Variants in FGF13 observed in about 807,000 individuals in gnomAD.
The protein encoded by FGF13 is fibroblast growth factor homologous factor 2.
FGF13 carries 2 observed loss-of-function variants against 19.5 expected under a neutral mutation model. The ratio of observed to expected loss-of-function variants is 0.10; its 90% CI spans 0.04 to 0.32. The LOEUF is 0.32. Ranked by LOEUF, FGF13 falls within the 10% of genes least tolerant of loss-of-function variation. FGF13 has a pLI of 1.00. For synonymous variants in FGF13, 72 were observed against 76.9 expected (o/e 0.94, Z 0.33); for missense variants, 113 against 192.7 (o/e 0.59, Z 2.45).
rs1334090825 is a variant in FGF13 at position 138,814,761 on chromosome X, C to T, written c.217+42751G>A. ...TCAGTGGGAATGTAAATTAGTACAGCTATCATGGAAAACAGTATGGAGGTT... is the reference window on the plus strand; with the variant it reads ...TCAGTGGGAATGTAAATTAGTACAGTTATCATGGAAAACAGTATGGAGGTT... On this transcript the variant is annotated intron_variant, in intron 3 of 6. Coordinates refer to the FGF13 transcript ENST00000436198. 4.5e-5 allele frequency among the ~76,000 whole-genome samples: 5 copies of T among 111,084 alleles called. No individual in the cohort carries two copies. In the South Asian group the frequency reaches 1.5e-3, roughly 34 times the overall value.
intron 1 of FGF13, among the ~76,000 whole-genome samples, chrX:138,874,247 T>A (rs1212012008): frequency 9.3e-6 from 1 of 108,030 alleles, no homozygotes; most frequent in Admixed American, 1.0e-4. Flanking sequence ...TCTTCCTTAA[T>A]GGACAGTTAA....
intron 1 of FGF13, among the ~76,000 whole-genome samples, chrX:138,940,685 G>A (rs1207635618): frequency 1.8e-5 from 2 of 111,277 alleles, no homozygotes; most frequent in Admixed American, 9.6e-5. Flanking sequence ...TATTGAACAG[G>A]GAGTCCTTTC....
At chrX:139,165,153 T>C (rs745666142) in intron 1 of FGF13, among the ~76,000 whole-genome samples, 12 of 112,391 alleles carry the variant, frequency 1.1e-4, no homozygotes, top group Admixed American at 4.7e-4. Context: ...GGCATCCTTG[T>C]TACACAGTTG....
At chrX:138,686,123 G>A (rs755832316) in intron 3 of FGF13, among the ~76,000 whole-genome samples, 1 of 111,163 alleles carries the variant, frequency 9.0e-6, no homozygotes, top group Non-Finnish European at 1.9e-5. Flanking sequence ...TTAATCTTAC[G>A]TTCTAAGGGA....
At chrX:138,875,406 G>A (rs2091382869) in intron 1 of FGF13, among the ~76,000 whole-genome samples, 1 of 111,191 alleles carries the variant, frequency 9.0e-6, no homozygotes, top group South Asian at 3.8e-4. Context: ...ATCCTTGACT[G>A]GTTTATTGGA....
intron 3 of FGF13, among the ~76,000 whole-genome samples, chrX:138,833,284 T>C (rs910079763): frequency 9.8e-5 from 11 of 112,538 alleles, no homozygotes; most frequent in African/African-American, 3.6e-4. Context: ...TGATTCTTCC[T>C]GTCCATGAGC....
At chrX:139,111,668 A>G (rs971065964) in intron 1 of FGF13, among the ~76,000 whole-genome samples, 3 of 111,744 alleles carry the variant, frequency 2.7e-5, no homozygotes, top group African/African-American at 9.8e-5. Context: ...AATGCTATCT[A>G]TTTCTAGAAA....
intron 1 of FGF13, among the ~76,000 whole-genome samples, chrX:139,018,875 T>A (rs1028708774): frequency 1.8e-5 from 2 of 110,734 alleles, no homozygotes; most frequent in Non-Finnish European, 3.8e-5. Flanking sequence ...GTTTTTAGTA[T>A]CTTCACAGAA....
chrX:139,066,978 T>C (rs781451370), intron 1 of FGF13, among the ~76,000 whole-genome samples: 4 of 111,639 alleles, frequency 3.6e-5, no homozygotes, highest in African/African-American at 1.3e-4. Context: ...TGGTTCAACA[T>C]ACACAAATCA....
At chrX:138,676,725 A>G (rs2089671121) in intron 3 of FGF13, among the ~76,000 whole-genome samples, 1 of 111,717 alleles carries the variant, frequency 9.0e-6, no homozygotes, top group Non-Finnish European at 1.9e-5. Context: ...GCAGCTCACA[A>G]TAAGGTTCAG....
intron 3 of FGF13, among the ~76,000 whole-genome samples, chrX:138,801,205 C>A (rs1183341317): frequency 7.1e-5 from 8 of 112,505 alleles, no homozygotes; most frequent in African/African-American, 2.6e-4. Flanking sequence ...GGTTTTTCCT[C>A]ATCTTTGTGG....
intron 1 of FGF13, among the ~76,000 whole-genome samples, chrX:139,021,622 G>A (rs2092178552): frequency 9.0e-6 from 1 of 110,733 alleles, no homozygotes; most frequent in East Asian, 2.9e-4. Context: ...CAGAACATTA[G>A]AAAATCTGAC....
chrX:139,031,570 T>C (rs1159540802), intron 1 of FGF13, among the ~76,000 whole-genome samples: 4 of 110,924 alleles, frequency 3.6e-5, no homozygotes, highest in Non-Finnish European at 7.6e-5. Context: ...AATTAAGTGA[T>C]TTGCCCAAGG....
At chrX:139,174,225 C>T (rs1382963140) in intron 1 of FGF13, among the ~76,000 whole-genome samples, 6 of 112,244 alleles carry the variant, frequency 5.3e-5, no homozygotes, top group Admixed American at 1.9e-4. Flanking sequence ...TGTTCATATC[C>T]TTTGCCCACT....
At chrX:138,835,030 T>A (rs1238561369) in intron 3 of FGF13, among the ~76,000 whole-genome samples, 1 of 112,155 alleles carries the variant, frequency 8.9e-6, no homozygotes, top group African/African-American at 3.2e-5. Context: ...GGCTGTTTGT[T>A]ATAATTGCAG....
upstream of FGF13, chrX:138,711,739 C>T: frequency 6.8e-6 from 5 of 730,376 alleles, no homozygotes; most frequent in Non-Finnish European, 8.1e-6. Context: ...AGCCCCCTCC[C>T]GCGACGGCCC....
chrX:139,160,518 T>A (rs764122325), intron 1 of FGF13, among the ~76,000 whole-genome samples: 1 of 110,106 alleles, frequency 9.1e-6, no homozygotes, highest in South Asian at 3.9e-4. Flanking sequence ...GATAGAGACA[T>A]GAAAAGACCG....
At chrX:138,915,184 T>C (rs777497159) in intron 1 of FGF13, among the ~76,000 whole-genome samples, 9 of 111,454 alleles carry the variant, frequency 8.1e-5, no homozygotes, top group East Asian at 5.7e-4. Context: ...ATACTTTATA[T>C]TGGCTTAAAT....
chrX:139,077,142 C>T lies in FGF13; in HGVS notation c.-113+126274G>A, dbSNP rs764181345. Among the ~76,000 whole-genome samples the T allele has an allele frequency of 9.0e-5, 10 of 111,582 alleles. No homozygotes were observed. In the South Asian group the frequency reaches 2.3e-3, roughly 25 times the overall value. On this transcript the variant is annotated intron_variant, in intron 1 of 2. Coordinates refer to the FGF13 transcript ENST00000421460. ...TGAATGGCACTTAGGGCACAGCTTC[C>T]GTTCAAGTGCATTGATTCAGTATTG...
Sources: gnomAD v4.1 joint callset for allele counts (sites outside exome capture counted in the v4.1 genomes callset) on GRCh38, gnomAD v4.1.1 for gene constraint, MANE v1.5 for transcripts, NCBI Gene and HGNC (gene_info 2026-07-23, HGNC 2026-07-21) for gene names.